The following SLC30A8 variants were observed in gnomAD, a reference collection of about 807,000 sequenced individuals.
SLC30A8 encodes proton-coupled zinc antiporter SLC30A8.
In SLC30A8, 27 loss-of-function variants were observed where a neutral mutation model predicts 36.9. The ratio of observed to expected loss-of-function variants is 0.73; its 90% CI spans 0.54 to 1.01. The LOEUF is 1.01. SLC30A8 is among the 50% of genes least tolerant of loss of function. SLC30A8 has a pLI of 0.00. For missense variants in SLC30A8, 439 were observed against 452.0 expected, an observed-to-expected ratio of 0.97 and a Z score of 0.26; for synonymous variants, 164 against 172.4, an observed-to-expected ratio of 0.95 and a Z score of 0.38.
At chr8:117,038,323 T>C (rs2130752044) in intron 1 of SLC30A8, among the ~76,000 whole-genome samples, 1 of 152,342 alleles carries the variant, frequency 6.6e-6, no homozygotes, top group East Asian at 1.9e-4. Flanking sequence ...GATCGATATG[T>C]ACATCTTTAA....
intron 2 of SLC30A8, among the ~76,000 whole-genome samples, chr8:117,098,453 A>G (rs1183849000): frequency 6.6e-6 from 1 of 152,090 alleles, no homozygotes; most frequent in African/African-American, 2.4e-5. Flanking sequence ...TTCATATGAA[A>G]CCAGATTATC....
intron 7 of SLC30A8, among the ~76,000 whole-genome samples, chr8:117,172,308 G>GTGGACAGAAAGAGTTCCCATAGCGACA (rs1441993108): frequency 6.6e-6 from 1 of 152,148 alleles, no homozygotes; most frequent in East Asian, 1.9e-4. Flanking sequence ...AGAGATAACA[G>GTGGACAGAAAGAGTTCCCATAGCGACA]TGGACAGAAA....
intron 1 of SLC30A8, among the ~76,000 whole-genome samples, chr8:116,955,378 G>A (rs897912609): frequency 1.3e-5 from 2 of 152,110 alleles, no homozygotes; most frequent in African/African-American, 4.8e-5. Context: ...AAGATACACA[G>A]AGAGAACACC....
chr8:116,954,439 G>A (rs1045895088), intron 1 of SLC30A8, among the ~76,000 whole-genome samples: 2 of 152,094 alleles, frequency 1.3e-5, no homozygotes, highest in African/African-American at 4.8e-5. Flanking sequence ...AGAAAAAGAG[G>A]ACCCTACAAA....
intron 2 of SLC30A8, among the ~76,000 whole-genome samples, chr8:117,083,341 T>A (rs972576922): frequency 1.3e-5 from 2 of 152,092 alleles, no homozygotes; most frequent in African/African-American, 4.8e-5. Context: ...TTATCCTCAG[T>A]AGAGGAGAGC....
intron 6 of SLC30A8, among the ~76,000 whole-genome samples, chr8:117,170,369 G>T (rs925581198): frequency 6.6e-6 from 1 of 152,046 alleles, no homozygotes; most frequent in South Asian, 2.1e-4. Flanking sequence ...GCTAAAAAAG[G>T]GCTGTACTTA....
At position 116,969,556 on chromosome 8, in the gene SLC30A8, G is replaced by A. The variant is rs140283774; in HGVS notation, c.-266+18437G>A. On this transcript the variant is annotated intron_variant, in intron 1 of 10. Transcript: ENST00000427715. ...GACAGGAACACATTCTGAGAAATGC[G>A]CTGTCAGGTTTTTGTCATTGCGCAG... Among the ~76,000 whole-genome samples, 4 of 152,236 alleles carry A rather than the reference G, an allele frequency of 2.6e-5. No homozygotes were observed. In the East Asian group the frequency reaches 5.8e-4, roughly 22 times the overall value.
chr8:117,029,504 A>G (rs1028753274), intron 1 of SLC30A8, among the ~76,000 whole-genome samples: 24 of 152,218 alleles, frequency 1.6e-4, no homozygotes, highest in Admixed American at 3.9e-4. Context: ...CTATTTGAAT[A>G]ATTTTGACTT....
intron 3 of SLC30A8, 49 bp from the exon 4 acceptor site, chr8:117,157,642 G>C: frequency 1.2e-6 from 2 of 1,606,172 alleles, no homozygotes; most frequent in Middle Eastern, 1.7e-4. Context: ...GTAGGTGTAG[G>C]TGATGGAGTT....
chr8:117,132,756 G>A (rs1821186510), upstream of SLC30A8, among the ~76,000 whole-genome samples: 1 of 152,020 alleles, frequency 6.6e-6, no homozygotes, highest in African/African-American at 2.4e-5. Flanking sequence ...ATATTTGAGA[G>A]AGGGAATGAC....
At chr8:117,001,897 A>C (rs1419900924) in intron 1 of SLC30A8, among the ~76,000 whole-genome samples, 3 of 152,182 alleles carry the variant, frequency 2.0e-5, no homozygotes, top group Non-Finnish European at 4.4e-5. Flanking sequence ...TTTTTAAATA[A>C]AGCAATGGTT....
At chr8:117,023,263 A>G (rs916799767) in intron 1 of SLC30A8, among the ~76,000 whole-genome samples, 42 of 152,280 alleles carry the variant, frequency 2.8e-4, no homozygotes, top group African/African-American at 9.9e-4. Flanking sequence ...ACACTTTTAC[A>G]CTGTTGGTGG....
In SLC30A8 at chr8:117,126,649, A is replaced by G. The variant is rs528217703; in HGVS notation, c.-225-8631A>G. The stretch of plus-strand genomic sequence containing the variant: ...GATATGCCAGATACCGTTTATGAAG[A>G]ACTGGGGAGACAACAGTGTGGAAAG... On this transcript the variant is annotated intron_variant, in intron 2 of 10. Transcript: ENST00000427715. Among the ~76,000 whole-genome samples, 3 of 152,160 alleles carry G rather than the reference A, an allele frequency of 2.0e-5. No individual in the cohort carries two copies. The South Asian group carries it at 6.2e-4, about 32-fold the overall frequency.
chr8:117,081,178 C>T lies in SLC30A8; in HGVS notation c.-226+41920C>T, dbSNP rs115132107. Among the ~76,000 whole-genome samples the T allele has an allele frequency of 3.6e-3, 550 of 152,046 alleles. 5 individuals carry two copies. The highest frequency in any genetic ancestry group is 0.012 in the African/African-American group (501 of 41,458). On this transcript the variant is annotated intron_variant, in intron 2 of 10. Transcript: ENST00000427715. ...AAAGATCAGGGTGTGGGAGAAAAACCCTAAAGTGCAGGCATGGTGATAGAT... is the reference window on the plus strand; with the variant it reads ...AAAGATCAGGGTGTGGGAGAAAAACTCTAAAGTGCAGGCATGGTGATAGAT...
intron 1 of SLC30A8, among the ~76,000 whole-genome samples, chr8:117,011,761 A>G (rs1224971313): frequency 1.3e-5 from 2 of 152,236 alleles, no homozygotes; most frequent in Non-Finnish European, 2.9e-5. Context: ...ATTTTGTTAC[A>G]TATTAATAAT....
At chr8:117,143,435 G>GTGTT (rs1438414680) in intron 1 of SLC30A8, among the ~76,000 whole-genome samples, 1 of 152,130 alleles carries the variant, frequency 6.6e-6, no homozygotes, top group Non-Finnish European at 1.5e-5. Context: ...TCACAATTCA[G>GTGTT]TGTTTGTTGC....
chr8:117,102,898 T>G (rs1168954248), intron 2 of SLC30A8, among the ~76,000 whole-genome samples: 1 of 152,114 alleles, frequency 6.6e-6, no homozygotes, highest in Non-Finnish European at 1.5e-5. Context: ...GGACAAGAAT[T>G]TTGGGGAGAC....
Position 117,144,961 on chromosome 8 carries a change from T to G in SLC30A8, c.72-1993T>G, listed in dbSNP as rs141493076. On this transcript the variant is annotated intron_variant, in intron 1 of 7. Transcript: ENST00000456015. ...GCTAAATCCACATGCACATCAAGAC[T>G]GTTGTGTAGCAGTTTGAGAGGGGAT... Among the ~76,000 whole-genome samples the G allele has an allele frequency of 3.9e-5, 6 of 152,272 alleles. No individual in the cohort carries two copies. In the East Asian group the frequency reaches 1.2e-3, roughly 29 times the overall value.
chr8:117,110,370 T>A (rs985334023), intron 2 of SLC30A8, among the ~76,000 whole-genome samples: 6 of 152,028 alleles, frequency 3.9e-5, no homozygotes, highest in Admixed American at 3.3e-4. Context: ...CCTGTGGGTG[T>A]AAGTGCCAAG....
Sources: allele counts gnomAD v4.1 joint callset (sites outside exome capture counted in the v4.1 genomes callset), GRCh38; gene constraint gnomAD v4.1.1; transcripts MANE v1.5; gene names NCBI Gene and HGNC (gene_info 2026-07-23, HGNC 2026-07-21).